The following GCA variants were observed in gnomAD, a reference collection of about 807,000 sequenced individuals.
GCA encodes grancalcin.
In GCA, 30 loss-of-function variants were observed where a neutral mutation model predicts 32.6. That is an observed-to-expected ratio of 0.92 (90% CI 0.69 to 1.25). GCA has a LOEUF of 1.25. Ranked by LOEUF, GCA falls within the 50% of genes most tolerant of loss-of-function variation. The pLI, the probability that GCA is intolerant of heterozygous loss-of-function variation, is 0.00. For missense variants in GCA, 291 were observed against 266.8 expected (o/e 1.09, Z -0.63); for synonymous variants, 102 against 84.6 (o/e 1.21, Z -1.13).
upstream of GCA, chr2:162,343,982 A>G (rs867237511): frequency 2.1e-5 from 11 of 518,274 alleles, no homozygotes; most frequent in African/African-American, 1.5e-4. Flanking sequence ...GGTGTAGCCA[A>G]TCAGGGCAGA....
At position 162,359,564 on chromosome 2, in the gene GCA, G is replaced by T; in HGVS notation, c.627+12G>T. The T allele has an allele frequency of 6.9e-7, 1 of 1,447,174 alleles. No individual in the cohort carries two copies. The highest frequency in any genetic ancestry group is 2.3e-5 in the East Asian group (1 of 43,078). The allele number at this position is 1,447,174 out of a possible 1,614,324, so 89.6% of individuals were successfully genotyped here. A position where few individuals can be genotyped will look rare whatever the true frequency, so the allele number is the denominator to read the frequency against. ...TCATATATGACGATGTGAGTATCCT[G>T]CTTTTGATATTTATACTGCATTCTA... On this transcript the variant is annotated intron_variant, in intron 7 of 7. Transcript: ENST00000437150.
At chr2:162,329,899 C>T (rs551642403) in intron 1 of GCA, among the ~76,000 whole-genome samples, 12 of 152,180 alleles carry the variant, frequency 7.9e-5, no homozygotes, top group South Asian at 4.1e-4. Flanking sequence ...CATTTAGCTC[C>T]GACTTATAAG....
At chr2:162,358,310 T>C (rs1473907505) in intron 5 of GCA, among the ~76,000 whole-genome samples, 1 of 151,590 alleles carries the variant, frequency 6.6e-6, no homozygotes, top group African/African-American at 2.4e-5. Flanking sequence ...TTTTAGATTT[T>C]ATGTATTTTT....
At chr2:162,331,368 C>T (rs1235501713) in intron 1 of GCA, among the ~76,000 whole-genome samples, 1 of 151,614 alleles carries the variant, frequency 6.6e-6, no homozygotes, top group Non-Finnish European at 1.5e-5. Flanking sequence ...ACTGAATTCA[C>T]ACATATGAAA....
chr2:162,356,183 T>C (rs1685258945), intron 3 of GCA, among the ~76,000 whole-genome samples: 1 of 152,056 alleles, frequency 6.6e-6, no homozygotes, highest in Non-Finnish European at 1.5e-5. Context: ...TGGAATGTCT[T>C]TGTCACAGTA....
At chr2:162,323,521 C>G (rs1683762209) in intron 1 of GCA, among the ~76,000 whole-genome samples, 1 of 151,796 alleles carries the variant, frequency 6.6e-6, no homozygotes, top group Non-Finnish European at 1.5e-5. Context: ...AGGTTTTCTT[C>G]TAGGGTTTTT....
chr2:162,332,560 A>G (rs541168521), intron 1 of GCA, among the ~76,000 whole-genome samples: 3,063 of 152,058 alleles, frequency 0.02, 114 homozygotes, highest in African/African-American at 0.071. Flanking sequence ...AATTACTTCG[A>G]AGGATTTTTG....
intron 1 of GCA, among the ~76,000 whole-genome samples, chr2:162,328,407 C>G (rs539794751): frequency 6.6e-6 from 1 of 151,824 alleles, no homozygotes. Context: ...GAAAAGAAAA[C>G]AGAGCCTCTT....
chr2:162,335,257 C>CA (rs1024884983), intron 1 of GCA, among the ~76,000 whole-genome samples: 6 of 151,822 alleles, frequency 4.0e-5, no homozygotes, highest in African/African-American at 1.2e-4. Flanking sequence ...ACTAAAAATA[C>CA]AAAAAAATTT....
At chr2:162,342,548 A>C (rs1245872473), upstream of GCA, among the ~76,000 whole-genome samples, 1 of 152,176 alleles carries the variant, frequency 6.6e-6, no homozygotes, top group Non-Finnish European at 1.5e-5. Context: ...CAAGCTTAGG[A>C]AAGTCCTAAG....
At chr2:162,364,496 A>G (rs1685691338), downstream of GCA, among the ~76,000 whole-genome samples, 1 of 151,518 alleles carries the variant, frequency 6.6e-6, no homozygotes, top group Admixed American at 6.6e-5. Flanking sequence ...TTTTCTGATC[A>G]GCCTTGGTTG....
At chr2:162,364,150 A>G (rs1234999301), downstream of GCA, among the ~76,000 whole-genome samples, 1 of 151,496 alleles carries the variant, frequency 6.6e-6, no homozygotes, top group East Asian at 1.9e-4. Context: ...TCCCTTAACC[A>G]TAAAAATGTA....
intron 1 of GCA, among the ~76,000 whole-genome samples, chr2:162,325,831 A>G (rs1370924824): frequency 6.6e-6 from 1 of 152,172 alleles, no homozygotes; most frequent in East Asian, 1.9e-4. Flanking sequence ...GAAAGCCTCT[A>G]TATATCTATC....
In GCA at chr2:162,361,161, T is replaced by C; in HGVS notation, c.*918T>C. 1 of 984,346 alleles carries C rather than the reference T, an allele frequency of 1.0e-6. No individual in the cohort carries two copies. The highest frequency in any genetic ancestry group is 1.2e-6 in the Non-Finnish European group (1 of 828,786). 61.0% of individuals were successfully genotyped at this position (984,346 alleles called of 1,614,324 possible). On this transcript the variant is annotated 3_prime_UTR_variant, in exon 8 of 8. Transcript: ENST00000437150. Reference sequence around the variant, plus strand: ...TTACATTTGACTTATTTGACAACATTAACATTAGTGGTGGCTTTGCCATTA... The same window carrying C: ...TTACATTTGACTTATTTGACAACATCAACATTAGTGGTGGCTTTGCCATTA...
At chr2:162,342,840 G>A (rs531589626), upstream of GCA, among the ~76,000 whole-genome samples, 6 of 152,224 alleles carry the variant, frequency 3.9e-5, no homozygotes, top group South Asian at 1.0e-3. Flanking sequence ...TCTTTCTAGC[G>A]CTTTATCATT....
intron 1 of GCA, among the ~76,000 whole-genome samples, chr2:162,330,253 G>C (rs146138621): frequency 6.6e-6 from 1 of 152,130 alleles, no homozygotes; most frequent in Non-Finnish European, 1.5e-5. Context: ...TCACCACACT[G>C]TCTTCCACAA....
intron 1 of GCA, among the ~76,000 whole-genome samples, chr2:162,328,015 C>T (rs1318223664): frequency 6.6e-6 from 1 of 152,126 alleles, no homozygotes; most frequent in African/African-American, 2.4e-5. Context: ...ACTTTGGCGG[C>T]ACTTGAGGAG....
chr2:162,371,412 T>C, exon 5 of GCA: 1 of 1,288,432 alleles, frequency 7.8e-7, no homozygotes. Flanking sequence ...TTCCCATGAG[T>C]TGAGGATCAT....
intron 4 of GCA, among the ~76,000 whole-genome samples, chr2:162,370,236 A>G (rs1008628757): frequency 1.3e-5 from 2 of 152,176 alleles, no homozygotes; most frequent in African/African-American, 4.8e-5. Flanking sequence ...AAATTAACCC[A>G]TTTAGTAATG....
Sources: allele counts gnomAD v4.1 joint callset (sites outside exome capture counted in the v4.1 genomes callset), GRCh38; gene constraint gnomAD v4.1.1; transcripts MANE v1.5; gene names NCBI Gene and HGNC (gene_info 2026-07-23, HGNC 2026-07-21).